SPAG16: variants seen among roughly 807,000 people sequenced by gnomAD.
SPAG16 encodes the protein sperm-associated antigen 16 protein.
A neutral mutation model predicts 80.4 loss-of-function variants in SPAG16; 86 were observed. The ratio of observed to expected loss-of-function variants is 1.07; its 90% CI spans 0.90 to 1.28. SPAG16 has a LOEUF of 1.28. SPAG16 is among the 50% of genes most tolerant of loss of function. SPAG16 has a pLI of 0.00. For synonymous variants in SPAG16, 294 were observed against 265.9 expected (o/e 1.11, Z -1.03); for missense variants, 870 against 765.3 (o/e 1.14, Z -1.61).
chr2:213,430,076 C>T (rs1280788199), intron 9 of SPAG16, among the ~76,000 whole-genome samples: 1 of 151,872 alleles, frequency 6.6e-6, no homozygotes, highest in East Asian at 1.9e-4. Context: ...AATCTGAAAA[C>T]CAATACAAAG....
intron 15 of SPAG16, among the ~76,000 whole-genome samples, chr2:214,339,316 G>A (rs1275906906): frequency 1.3e-5 from 2 of 152,002 alleles, no homozygotes; most frequent in African/African-American, 4.8e-5. Context: ...TCTCTTGTTG[G>A]TCTATAATCA....
At chr2:213,827,274 T>G (rs529024157) in intron 10 of SPAG16, among the ~76,000 whole-genome samples, 3 of 152,130 alleles carry the variant, frequency 2.0e-5, no homozygotes, top group African/African-American at 7.2e-5. Flanking sequence ...TCTCTTCCTT[T>G]TATTGAAGGT....
chr2:213,715,222 G>GTCTGTCTGTCTATCTATCTA (rs547716333), intron 10 of SPAG16, among the ~76,000 whole-genome samples: 2 of 110,460 alleles, frequency 1.8e-5, no homozygotes, highest in African/African-American at 5.7e-5. Flanking sequence ...AGATCTATCT[G>GTCTGTCTGTCTATCTATCTA]TCTATCTATC....
chr2:214,250,757 T>TATATAGAGAGAG (rs1475343777), intron 15 of SPAG16, among the ~76,000 whole-genome samples: 8 of 91,282 alleles, frequency 8.8e-5, no homozygotes, highest in East Asian at 3.3e-4. Context: ...TATATATATA[T>TATATAGAGAGAG]AGAGAGAGAG....
At position 214,102,110 on chromosome 2, in the gene SPAG16, T is replaced by G. The variant is rs1057510127; in HGVS notation, c.1528-6086T>G. On this transcript the variant is annotated intron_variant, in intron 13 of 15. Transcript: ENST00000331683. The stretch of plus-strand genomic sequence containing the variant: ...AATAAAGCATATCTGGTGAGGGTGG[T>G]TTTTTGTTTTTTTTTTTTTGCAATT... 1.4e-4 allele frequency among the ~76,000 whole-genome samples: 16 copies of G among 113,000 alleles called. No individual in the cohort carries two copies. The South Asian group carries it at 4.3e-3, about 30-fold the overall frequency. The allele number at this position is 113,000 out of a possible 152,430, so 74.1% of individuals were successfully genotyped here. A position where few individuals can be genotyped will look rare whatever the true frequency, so the allele number is the denominator to read the frequency against.
At chr2:213,706,797 T>G (rs2065772000) in intron 10 of SPAG16, among the ~76,000 whole-genome samples, 1 of 152,224 alleles carries the variant, frequency 6.6e-6, no homozygotes, top group Admixed American at 6.5e-5. Context: ...GGGTTATGGC[T>G]TGAAGTTTCA....
At chr2:213,495,430 AC>A (rs2074440440) in intron 10 of SPAG16, among the ~76,000 whole-genome samples, 1 of 152,238 alleles carries the variant, frequency 6.6e-6, no homozygotes, top group African/African-American at 2.4e-5. Flanking sequence ...ATGTTAGGCC[AC>A]ATATGATAAA....
At chr2:213,461,255 A>G (rs6435777) in intron 9 of SPAG16, among the ~76,000 whole-genome samples, 67,309 of 152,060 alleles carry the variant, frequency 0.44, 15,928 homozygotes, top group African/African-American at 0.6. Flanking sequence ...AACAGAGGCA[A>G]CAAAAAGGAA....
At chr2:213,543,993 A>G (rs2076535430) in intron 10 of SPAG16, among the ~76,000 whole-genome samples, 1 of 152,024 alleles carries the variant, frequency 6.6e-6, no homozygotes, top group Admixed American at 6.5e-5. Context: ...TTTCTCAATG[A>G]AAGTCTTGTG....
At chr2:214,112,889 A>G (rs2053745931) in intron 14 of SPAG16, among the ~76,000 whole-genome samples, 1 of 152,096 alleles carries the variant, frequency 6.6e-6, no homozygotes, top group Admixed American at 6.6e-5. Context: ...TATTTTGCCC[A>G]TTAATTGATG....
chr2:213,289,742 T>G (rs1428566850), intron 1 of SPAG16, among the ~76,000 whole-genome samples: 1 of 152,250 alleles, frequency 6.6e-6, no homozygotes, highest in Non-Finnish European at 1.5e-5. Flanking sequence ...GGCTCTGCAG[T>G]GATGGCAAGG....
At chr2:213,830,048 G>C (rs1457405751) in intron 10 of SPAG16, among the ~76,000 whole-genome samples, 1 of 152,098 alleles carries the variant, frequency 6.6e-6, no homozygotes, top group Non-Finnish European at 1.5e-5. Flanking sequence ...AAGTCCACTG[G>C]CTCCATTGCC....
At chr2:213,761,512 A>T (rs2125522197) in intron 10 of SPAG16, among the ~76,000 whole-genome samples, 1 of 152,276 alleles carries the variant, frequency 6.6e-6, no homozygotes, top group South Asian at 2.1e-4. Context: ...ACTTTAGCTA[A>T]ATAAACTAAT....
At position 214,145,228 on chromosome 2, in the gene SPAG16, C is replaced by T. The variant is rs147809938; in HGVS notation, c.1594-3912C>T. Among the ~76,000 whole-genome samples, 535 of 152,084 alleles carry T rather than the reference C, an allele frequency of 3.5e-3. 14 individuals carry two copies. The highest frequency in any genetic ancestry group is 0.032 in the Admixed American group (493 of 15,260). On this transcript the variant is annotated intron_variant, in intron 14 of 15. Transcript: ENST00000331683. ...ACCTCTGTGCAGAGAGATAGTAGTT[C>T]AGTCTGCTTGTCTCTCTGCATCTGT...
At chr2:214,327,266 A>G (rs1374458519) in intron 15 of SPAG16, among the ~76,000 whole-genome samples, 1 of 152,210 alleles carries the variant, frequency 6.6e-6, no homozygotes, top group African/African-American at 2.4e-5. Flanking sequence ...AAAAAGAGGA[A>G]GTAGTTAAGA....
At chr2:213,348,680 T>A (rs2065147203) in intron 6 of SPAG16, among the ~76,000 whole-genome samples, 1 of 152,214 alleles carries the variant, frequency 6.6e-6, no homozygotes. Flanking sequence ...GAAAATTCTT[T>A]TCTTTCAGAA....
At chr2:214,370,905 A>G (rs549968102) in intron 15 of SPAG16, among the ~76,000 whole-genome samples, 2 of 152,358 alleles carry the variant, frequency 1.3e-5, no homozygotes, top group South Asian at 2.1e-4. Context: ...AAATGAAGTC[A>G]TACTTGGGCC....
intron 10 of SPAG16, among the ~76,000 whole-genome samples, chr2:213,751,516 C>G (rs1231647816): frequency 6.6e-6 from 1 of 152,188 alleles, no homozygotes; most frequent in Non-Finnish European, 1.5e-5. Flanking sequence ...TTCTCTCCAT[C>G]GTTTCCTGCT....
intron 10 of SPAG16, among the ~76,000 whole-genome samples, chr2:213,754,519 G>C (rs2068228084): frequency 6.6e-6 from 1 of 152,162 alleles, no homozygotes; most frequent in Non-Finnish European, 1.5e-5. Context: ...TGTCTAGTCA[G>C]TGTAGCTTCA....
Sources: gnomAD v4.1 joint callset for allele counts (sites outside exome capture counted in the v4.1 genomes callset) on GRCh38, gnomAD v4.1.1 for gene constraint, MANE v1.5 for transcripts, NCBI Gene and HGNC (gene_info 2026-07-23, HGNC 2026-07-21) for gene names.